The following SAXO1 variants were observed in gnomAD, a reference collection of about 807,000 sequenced individuals.
The protein encoded by SAXO1 is 4930500O09Rik.
SAXO1 carries 21 observed loss-of-function variants against 17.5 expected under a neutral mutation model. That is an observed-to-expected ratio of 1.20 (90% confidence interval 0.85 to 1.72). The LOEUF (loss-of-function observed/expected upper bound fraction) is 1.72, where lower values mean the gene tolerates loss of function less well. Ranked by LOEUF, SAXO1 falls within the 40% of genes most tolerant of loss-of-function variation. The pLI, the probability that SAXO1 is intolerant of heterozygous loss-of-function variation, is 0.00. For missense variants in SAXO1, 843 were observed against 596.0 expected (o/e 1.41, Z -4.32); for synonymous variants, 274 against 216.5 (o/e 1.27, Z -2.33).
intron 1 of SAXO1, among the ~76,000 whole-genome samples, chr9:18,973,365 T>C (rs1455718805): frequency 6.6e-6 from 1 of 152,240 alleles, no homozygotes; most frequent in Admixed American, 6.5e-5. Context: ...GCCATACAGC[T>C]GCACATCTCA....
intron 2 of SAXO1, among the ~76,000 whole-genome samples, chr9:18,944,454 T>G (rs1187243953): frequency 2.6e-5 from 4 of 152,222 alleles, no homozygotes; most frequent in African/African-American, 9.6e-5. Flanking sequence ...TATATTTTAG[T>G]CTCCCCAGAA....
rs76147865 is a variant in SAXO1 at position 18,983,812 on chromosome 9, A to C, written c.39-32875T>G. ...ACTCCCACGAATCACTAACTTTCTT[A>C]ATGGCGTCTAGAATGATGAATCCTT... On this transcript the variant is annotated intron_variant, in intron 1 of 3. Coordinates refer to ENST00000380534, the MANE Select transcript of SAXO1 (RefSeq NM_153707.4). Among the ~76,000 whole-genome samples the C allele has an allele frequency of 3.0e-4, 46 of 152,290 alleles. No individual in the cohort carries two copies. The East Asian group carries it at 8.7e-3, about 29-fold the overall frequency.
chr9:18,941,750 G>A lies in SAXO1; in HGVS notation c.308C>T (p.Thr103Met), dbSNP rs116651834. 16 of 1,614,018 alleles carry A rather than the reference G, an allele frequency of 9.9e-6. No individual in the cohort carries two copies. Among genetic ancestry groups the A allele is most frequent in the East Asian group, 6.7e-5 (3 of 44,892 alleles). Residue 103 changes from threonine to methionine, a missense_variant, in exon 3 of 4, where the codon ACG becomes ATG. Transcript: ENST00000380534. ...VPSEENMDLL[T>M]TYKKDYNPYP... Reference sequence around the variant, plus strand: ...GGGATTGTAATCTTTCTTATACGTCGTGAGCAAATCCATATTCTCTTCACT... The same window carrying A: ...GGGATTGTAATCTTTCTTATACGTCATGAGCAAATCCATATTCTCTTCACT...
chr9:18,949,756 A>C (rs1221672637), intron 2 of SAXO1, among the ~76,000 whole-genome samples: 1 of 152,154 alleles, frequency 6.6e-6, no homozygotes, highest in African/African-American at 2.4e-5. Flanking sequence ...CTTCACCTAG[A>C]CCATCTGGGA....
At chr9:18,992,705 T>G (rs955258705) in intron 1 of SAXO1, among the ~76,000 whole-genome samples, 1 of 151,982 alleles carries the variant, frequency 6.6e-6, no homozygotes, top group Non-Finnish European at 1.5e-5. Context: ...GTTGGCACAT[T>G]GGAAGAAGAA....
intron 1 of SAXO1, among the ~76,000 whole-genome samples, chr9:19,047,756 G>C (rs566093743): frequency 6.6e-6 from 1 of 152,244 alleles, no homozygotes; most frequent in South Asian, 2.1e-4. Context: ...TAAAAACAAA[G>C]AAATTTTCAG....
At chr9:19,035,853 G>T (rs983823108), upstream of SAXO1, among the ~76,000 whole-genome samples, 1 of 152,138 alleles carries the variant, frequency 6.6e-6, no homozygotes, top group East Asian at 1.9e-4. Context: ...TCTGGCAGAC[G>T]AAACTTCTAA....
At chr9:19,008,421 G>C (rs1447974995) in intron 1 of SAXO1, among the ~76,000 whole-genome samples, 1 of 152,102 alleles carries the variant, frequency 6.6e-6, no homozygotes, top group Non-Finnish European at 1.5e-5. Flanking sequence ...AAGCAATAGG[G>C]CCATTCTCAG....
Position 19,014,061 on chromosome 9 carries a change from C to T in SAXO1, c.38+18810G>A, listed in dbSNP as rs530496821. Among the ~76,000 whole-genome samples the T allele has an allele frequency of 6.6e-5, 10 of 152,118 alleles. No individual in the cohort carries two copies. The South Asian group carries it at 1.5e-3, about 22-fold the overall frequency. Reference sequence around the variant, plus strand: ...ACGTCCTCAGGATAGTTTGGTGAGCCTGGAACACAGGCAGCATGAGGAGGA... The same window carrying T: ...ACGTCCTCAGGATAGTTTGGTGAGCTTGGAACACAGGCAGCATGAGGAGGA... On this transcript the variant is annotated intron_variant, in intron 1 of 3. Transcript: ENST00000380534.
intron 3 of SAXO1, among the ~76,000 whole-genome samples, chr9:18,934,796 T>G (rs935982580): frequency 1.3e-5 from 2 of 152,222 alleles, no homozygotes; most frequent in Non-Finnish European, 2.9e-5. Context: ...TGGATTCTGA[T>G]CCCCATTGGG....
intron 1 of SAXO1, among the ~76,000 whole-genome samples, chr9:18,980,336 G>A (rs750782226): frequency 6.6e-6 from 1 of 151,956 alleles, no homozygotes; most frequent in Non-Finnish European, 1.5e-5. Context: ...TATAGTGGGA[G>A]GTGGTATATG....
At chr9:18,994,869 C>T (rs1364987002) in intron 1 of SAXO1, among the ~76,000 whole-genome samples, 1 of 152,164 alleles carries the variant, frequency 6.6e-6, no homozygotes, top group Non-Finnish European at 1.5e-5. Flanking sequence ...AGGCTGCCAG[C>T]ATCTCCTCTA....
chr9:19,004,979 T>G (rs77402027), intron 1 of SAXO1, among the ~76,000 whole-genome samples: 2,941 of 152,204 alleles, frequency 0.019, 99 homozygotes, highest in African/African-American at 0.065. Flanking sequence ...CTAAAATCAG[T>G]TGAATTTCTG....
chr9:18,989,205 A>G (rs1397248790), intron 1 of SAXO1, among the ~76,000 whole-genome samples: 1 of 152,184 alleles, frequency 6.6e-6, no homozygotes, highest in East Asian at 1.9e-4. Context: ...TAGTAAAACA[A>G]ATACAATGAT....
chr9:19,010,149 AAACAACAACAAC>A (rs71494993), intron 1 of SAXO1, among the ~76,000 whole-genome samples: 14 of 151,124 alleles, frequency 9.3e-5, no homozygotes, highest in Non-Finnish European at 5.9e-5. Context: ...ATCTAAAAAA[AAACAACAACAAC>A]AACAAAAACA....
chr9:18,993,926 A>G (rs1367608313), intron 1 of SAXO1, among the ~76,000 whole-genome samples: 1 of 152,234 alleles, frequency 6.6e-6, no homozygotes, highest in African/African-American at 2.4e-5. Context: ...AGGTCTTGGT[A>G]GCACATAACT....
chr9:18,994,240 G>A lies in SAXO1; in HGVS notation c.38+38631C>T, dbSNP rs571371173. ...TGCCTATGTGGGTGTGTTTGTGTACGTGTGTTTTTACATGTACATTTTCTC... is the reference window on the plus strand; with the variant it reads ...TGCCTATGTGGGTGTGTTTGTGTACATGTGTTTTTACATGTACATTTTCTC... On this transcript the variant is annotated intron_variant, in intron 1 of 3. Coordinates refer to ENST00000380534, the MANE Select transcript of SAXO1 (RefSeq NM_153707.4). Among the ~76,000 whole-genome samples, 29 of 152,252 alleles carry A rather than the reference G, an allele frequency of 1.9e-4. No individual in the cohort carries two copies. The South Asian group carries it at 4.8e-3, about 25-fold the overall frequency.
At chr9:19,006,332 G>A (rs530092823) in intron 1 of SAXO1, among the ~76,000 whole-genome samples, 2 of 152,334 alleles carry the variant, frequency 1.3e-5, no homozygotes, top group East Asian at 3.9e-4. Flanking sequence ...AATCGCAGAA[G>A]CATTATTCCA....
intron 1 of SAXO1, among the ~76,000 whole-genome samples, chr9:18,991,568 G>C (rs951803468): frequency 2.0e-5 from 3 of 152,134 alleles, no homozygotes; most frequent in African/African-American, 7.2e-5. Flanking sequence ...GCTTGTCGCG[G>C]AGTGGGGGAA....
Sources: gnomAD v4.1 joint callset for allele counts (sites outside exome capture counted in the v4.1 genomes callset) on GRCh38, gnomAD v4.1.1 for gene constraint, MANE v1.5 for transcripts, NCBI Gene and HGNC (gene_info 2026-07-23, HGNC 2026-07-21) for gene names.